The following PLCL1 variants were observed in gnomAD, a reference collection of about 807,000 sequenced individuals.
The protein encoded by PLCL1 is phospholipase C like 1 (inactive).
A neutral mutation model predicts 84.4 loss-of-function variants in PLCL1; 41 were observed. The ratio of observed to expected loss-of-function variants is 0.49; its 90% CI spans 0.38 to 0.63. PLCL1 has a LOEUF of 0.63. Ranked by LOEUF, PLCL1 falls within the 30% of genes least tolerant of loss-of-function variation. The probability of loss-of-function intolerance (pLI) is 0.00; values close to 1 mark genes in which losing one functional copy is unlikely to be tolerated. For synonymous variants in PLCL1, 490 were observed against 488.3 expected, an observed-to-expected ratio of 1.00 and a Z score of -0.05; for missense variants, 1,206 against 1,367.8, an observed-to-expected ratio of 0.88 and a Z score of 1.87.
chr2:197,902,754 G>A (rs1268724436), intron 1 of PLCL1, among the ~76,000 whole-genome samples: 1 of 152,116 alleles, frequency 6.6e-6, no homozygotes, highest in Non-Finnish European at 1.5e-5. Context: ...ACAGCATATG[G>A]GGAGTTCTGG....
intron 1 of PLCL1, among the ~76,000 whole-genome samples, chr2:197,944,554 G>A (rs1009732465): frequency 2.0e-5 from 3 of 152,152 alleles, no homozygotes; most frequent in African/African-American, 7.2e-5. Context: ...ACTCTGATTT[G>A]TAGCATGTGC....
intron 1 of PLCL1, among the ~76,000 whole-genome samples, chr2:197,834,221 A>G (rs1029343250): frequency 2.6e-5 from 4 of 152,210 alleles, no homozygotes; most frequent in African/African-American, 9.7e-5. Flanking sequence ...CCTAGGCAAT[A>G]CCATTTAGGA....
chr2:198,074,991 A>C (rs1574291726), intron 1 of PLCL1, among the ~76,000 whole-genome samples: 2 of 152,356 alleles, frequency 1.3e-5, no homozygotes, highest in East Asian at 3.9e-4. Flanking sequence ...ATAACAATAC[A>C]TTGAAAGAGA....
intron 1 of PLCL1, among the ~76,000 whole-genome samples, chr2:198,046,163 GC>G (rs1368763425): frequency 1.3e-5 from 2 of 152,166 alleles, no homozygotes; most frequent in Non-Finnish European, 2.9e-5. Flanking sequence ...ATTGTTTATA[GC>G]TGCTTTCATG....
intron 1 of PLCL1, among the ~76,000 whole-genome samples, chr2:197,814,308 C>T (rs1175991233): frequency 6.6e-6 from 1 of 152,062 alleles, no homozygotes; most frequent in Non-Finnish European, 1.5e-5. Flanking sequence ...AGATTTTTAA[C>T]TTTTTCATTG....
At chr2:197,936,312 T>C (rs551018172) in intron 1 of PLCL1, among the ~76,000 whole-genome samples, 1 of 152,328 alleles carries the variant, frequency 6.6e-6, no homozygotes, top group South Asian at 2.1e-4. Context: ...ATGATAATTC[T>C]ATTTTTAATT....
Position 198,146,945 on chromosome 2 carries a change from G to A in PLCL1, c.3271G>A (p.Glu1091Lys), listed in dbSNP as rs1694534477. The A allele has an allele frequency of 6.2e-7, 1 of 1,605,908 alleles. No homozygotes were observed. Among genetic ancestry groups the A allele is most frequent in the African/African-American group, 1.3e-5 (1 of 74,678 alleles). ...EAIEEKESSE[E>K]NGKL Reference sequence around the variant, plus strand: ...CATAGAGGAGAAGGAAAGTAGTGAGGAGAATGGGAAGCTGTGACTCTGGGC... The same window carrying A: ...CATAGAGGAGAAGGAAAGTAGTGAGAAGAATGGGAAGCTGTGACTCTGGGC... Residue 1091 changes from glutamate to lysine, a missense_variant, in exon 6 of 6, where the codon GAG (glutamate) becomes AAG (lysine). Glu to Lys is a moderately conservative substitution (Grantham distance 56, BLOSUM62 1). Transcript: ENST00000428675.
At chr2:197,972,092 G>A (rs975695529) in intron 1 of PLCL1, among the ~76,000 whole-genome samples, 1 of 152,154 alleles carries the variant, frequency 6.6e-6, no homozygotes. Context: ...GCTGATTCAG[G>A]TCATGGTGGC....
At chr2:197,994,363 T>A (rs1160224604) in intron 1 of PLCL1, among the ~76,000 whole-genome samples, 1 of 152,224 alleles carries the variant, frequency 6.6e-6, no homozygotes, top group Non-Finnish European at 1.5e-5. Flanking sequence ...GAATTGGTTG[T>A]ATTTTAACAT....
intron 1 of PLCL1, among the ~76,000 whole-genome samples, chr2:198,009,430 G>A (rs1246859074): frequency 6.6e-6 from 1 of 152,028 alleles, no homozygotes; most frequent in South Asian, 2.1e-4. Flanking sequence ...AACACTACTT[G>A]TTGAAGAGGC....
In PLCL1 at chr2:198,048,808, C is replaced by T. The variant is rs1281389578; in HGVS notation, c.241-34950C>T. Among the ~76,000 whole-genome samples the T allele has an allele frequency of 2.6e-5, 4 of 152,346 alleles. No individual in the cohort carries two copies. The East Asian group carries it at 7.7e-4, about 29-fold the overall frequency. On this transcript the variant is annotated intron_variant, in intron 1 of 5. Transcript: ENST00000428675. ...AAGGAACAAATAACCAGGCACTAAC[C>T]ATATTCACCTCCTAGCGGCCCCACC...
intron 1 of PLCL1, among the ~76,000 whole-genome samples, chr2:198,064,788 A>G (rs894280350): frequency 1.3e-5 from 2 of 152,186 alleles, no homozygotes. Flanking sequence ...TAGGATTTTA[A>G]CTAATTTAAA....
chr2:197,975,833 A>T (rs1466844672), intron 1 of PLCL1, among the ~76,000 whole-genome samples: 1 of 151,906 alleles, frequency 6.6e-6, no homozygotes, highest in African/African-American at 2.4e-5. Flanking sequence ...AACAACAACA[A>T]CAACGACAAC....
chr2:198,016,099 A>G (rs1690991680), intron 1 of PLCL1, among the ~76,000 whole-genome samples: 2 of 152,178 alleles, frequency 1.3e-5, no homozygotes, highest in Non-Finnish European at 2.9e-5. Flanking sequence ...TAAAATAGTG[A>G]CACTAATGCC....
chr2:198,109,697 T>C (rs960939971), intron 5 of PLCL1, among the ~76,000 whole-genome samples: 1 of 151,864 alleles, frequency 6.6e-6, no homozygotes, highest in Admixed American at 6.6e-5. Flanking sequence ...TCCAGAGTGA[T>C]TTGACTTTTT....
intron 1 of PLCL1, among the ~76,000 whole-genome samples, chr2:197,878,662 A>G (rs1687779044): frequency 6.6e-6 from 1 of 152,070 alleles, no homozygotes; most frequent in Non-Finnish European, 1.5e-5. Flanking sequence ...TGTGTATACA[A>G]AGTTCATTGA....
At chr2:198,061,653 G>T (rs1470245631) in intron 1 of PLCL1, among the ~76,000 whole-genome samples, 3 of 152,176 alleles carry the variant, frequency 2.0e-5, no homozygotes, top group Non-Finnish European at 4.4e-5. Context: ...AGGCTGGAGT[G>T]CAATGGCACC....
chr2:198,132,854 T>A (rs1248931640), intron 5 of PLCL1, among the ~76,000 whole-genome samples: 2 of 152,000 alleles, frequency 1.3e-5, no homozygotes, highest in Non-Finnish European at 2.9e-5. Flanking sequence ...TTGTCAATTT[T>A]GGCTTTTGTT....
intron 5 of PLCL1, among the ~76,000 whole-genome samples, chr2:198,122,047 G>A (rs1443837523): frequency 6.6e-6 from 1 of 152,034 alleles, no homozygotes; most frequent in Non-Finnish European, 1.5e-5. Flanking sequence ...GATATCCTGA[G>A]TATACATTAT....
Sources: gnomAD v4.1 joint callset for allele counts (sites outside exome capture counted in the v4.1 genomes callset) on GRCh38, gnomAD v4.1.1 for gene constraint, MANE v1.5 for transcripts, NCBI Gene and HGNC (gene_info 2026-07-23, HGNC 2026-07-21) for gene names.